Variants in NME1 observed in about 807,000 individuals in gnomAD.
NME1 encodes nucleoside diphosphate kinase A.
Under a neutral mutation model 17.2 loss-of-function variants are expected in NME1, and 9 were observed. That is an observed-to-expected ratio of 0.52 (90% CI 0.32 to 0.92). The LOEUF (loss-of-function observed/expected upper bound fraction) is 0.92. NME1 is among the 40% of genes least tolerant of loss of function. The probability of loss-of-function intolerance (pLI) is 0.04; values close to 1 mark genes in which losing one functional copy is unlikely to be tolerated. For synonymous variants in NME1, 72 were observed against 70.8 expected, an observed-to-expected ratio of 1.02 and a Z score of -0.09; for missense variants, 169 against 201.7, an observed-to-expected ratio of 0.84 and a Z score of 0.98.
At chr17:51,161,502 C>T in intron 4 of NME1, 1 of 664,708 alleles carries the variant, frequency 1.5e-6, no homozygotes, top group East Asian at 2.7e-5. Context: ...GCTGGCCAGT[C>T]TTTCCTGAAG....
At chr17:51,156,746 G>A (rs1207860402) in intron 2 of NME1, among the ~76,000 whole-genome samples, 1 of 151,908 alleles carries the variant, frequency 6.6e-6, no homozygotes, top group East Asian at 1.9e-4. Flanking sequence ...ACAAAAATTA[G>A]CCAGGCGTGG....
chr17:51,153,662 GGTAA>G lies in NME1; in HGVS notation c.-5+2_-5+5del, dbSNP rs1489701058. 1 of 152,964 alleles carries G rather than the reference GGTAA, an allele frequency of 6.5e-6. No individual in the cohort carries two copies. Among genetic ancestry groups the G allele is most frequent in the Non-Finnish European group, 1.5e-5 (1 of 68,580 alleles). The allele number at this position is 152,964 out of a possible 1,614,324, so 9.5% of individuals were successfully genotyped here. On this transcript the variant is annotated splice_donor_variant and splice_donor_region_variant and intron_variant, in intron 1 of 4. Coordinates refer to ENST00000393196, the MANE Select transcript of NME1 (RefSeq NM_000269.3). LOFTEE classifies it low-confidence loss of function (5UTR_SPLICE). ...GAGTTCAAACCTAAGCAGCTGGAAG[GGTAA>G]GAGGTGTTCGGGATCCTGAGAGGAA...
intron 2 of NME1, among the ~76,000 whole-genome samples, chr17:51,159,130 T>C (rs1444719999): frequency 6.6e-6 from 1 of 152,192 alleles, no homozygotes; most frequent in African/African-American, 2.4e-5. Context: ...AATGGAAATT[T>C]ATTGTATTGT....
intron 2 of NME1, among the ~76,000 whole-genome samples, chr17:51,159,458 A>C (rs1268239400): frequency 6.6e-6 from 1 of 152,206 alleles, no homozygotes. Context: ...TTGGCCAGGC[A>C]TGATGGCCGC....
chr17:51,154,242 C>G, intron 1 of NME1: 1 of 809,196 alleles, frequency 1.2e-6, no homozygotes, highest in Admixed American at 1.8e-5. Flanking sequence ...GGCTAGGTAC[C>G]ATAGAGTCTC....
rs2144858876 is a variant in NME1 at position 51,155,610 on chromosome 17, T to C, written c.-4-41T>C. 3.1e-6 allele frequency: 5 copies of C among 1,611,428 alleles called. No individual in the cohort carries two copies. The East Asian group carries it at 1.1e-4, about 36-fold the overall frequency. ...TGAGACGGATGACGCTGTAGGCAAG[T>C]GATTCACTGCTGTTTCATTCCTCTA... On this transcript the variant is annotated intron_variant, in intron 1 of 4. Transcript: ENST00000393196.
At chr17:51,160,449 G>A (rs556196359) in intron 3 of NME1, 10 of 373,108 alleles carry the variant, frequency 2.7e-5, no homozygotes, top group Non-Finnish European at 4.7e-5. Flanking sequence ...GCTTTTTGAA[G>A]TACGGGAGGA....
chr17:51,154,155 CTCTCT>C, intron 1 of NME1: 7 of 551,196 alleles, frequency 1.3e-5, no homozygotes, highest in East Asian at 1.2e-4. Flanking sequence ...CTTTGTCTCT[CTCTCT>C]TTTTTTTTTT....
chr17:51,159,284 T>G (rs2049830467), intron 2 of NME1, among the ~76,000 whole-genome samples: 1 of 151,840 alleles, frequency 6.6e-6, no homozygotes, highest in Non-Finnish European at 1.5e-5. Context: ...TGAGACCCTA[T>G]CTCTACAAAT....
intron 2 of NME1, 152 bp downstream of exon 2, chr17:51,155,932 C>A: frequency 1.6e-6 from 2 of 1,245,124 alleles, no homozygotes; most frequent in African/African-American, 1.5e-5. Context: ...AGTGCCCTAG[C>A]GTTTGGCTAC....
chr17:51,160,633 G>A lies in NME1; in HGVS notation c.229-527G>A, dbSNP rs530255735. On this transcript the variant is annotated intron_variant, in intron 3 of 4. Coordinates refer to ENST00000393196, the MANE Select transcript of NME1 (RefSeq NM_000269.3). ...TTCTTTTTTTTTTTTTTTTTGAGAC[G>A]GAGTCTTGCTCTGTTGCCCAGGCTG... 7 of 211,584 alleles carry A rather than the reference G, an allele frequency of 3.3e-5. 1 individual carries two copies. The highest frequency in any genetic ancestry group is 5.7e-5 in the Non-Finnish European group (6 of 105,720). 13.1% of individuals were successfully genotyped at this position (211,584 alleles called of 1,614,324 possible).
At position 51,160,086 on chromosome 17, in the gene NME1, G is replaced by A; in HGVS notation, c.228+5G>A. Reference sequence around the variant, plus strand: ...TCAGGGCCGGTAGTTGCCATGGTGAGTGTGCCTGTGTGGGATACTCCAAGT... The same window carrying A: ...TCAGGGCCGGTAGTTGCCATGGTGAATGTGCCTGTGTGGGATACTCCAAGT... On this transcript the variant is annotated splice_donor_5th_base_variant and intron_variant, in intron 3 of 4. Transcript: ENST00000393196. 1 of 1,613,780 alleles carries A rather than the reference G, an allele frequency of 6.2e-7. No homozygotes were observed. The highest frequency in any genetic ancestry group is 8.5e-7 in the Non-Finnish European group (1 of 1,179,782).
intron 2 of NME1, among the ~76,000 whole-genome samples, chr17:51,158,425 A>G (rs554385840): frequency 2.6e-5 from 4 of 152,204 alleles, no homozygotes; most frequent in African/African-American, 9.6e-5. Context: ...GGGTGACAGA[A>G]AGACCCTGTC....
At chr17:51,155,543 C>T in intron 1 of NME1, 108 bp from the exon 2 acceptor site, 3 of 1,524,248 alleles carry the variant, frequency 2.0e-6, no homozygotes, top group Non-Finnish European at 1.8e-6. Context: ...AGACCTGGAG[C>T]TGACCTGACA....
intron 3 of NME1, 70 bp downstream of exon 3, chr17:51,160,151 A>C (rs546526594): frequency 6.5e-7 from 1 of 1,544,410 alleles, no homozygotes; most frequent in Non-Finnish European, 8.9e-7. Context: ...TCTTCTAGAC[A>C]CTGGGGATAC....
At chr17:51,154,899 C>T (rs764245149) in intron 1 of NME1, among the ~76,000 whole-genome samples, 2 of 152,162 alleles carry the variant, frequency 1.3e-5, no homozygotes, top group Non-Finnish European at 2.9e-5. Context: ...TATCCTAGTT[C>T]CACCGCAGTG....
Position 51,161,823 on chromosome 17 carries a change from C to T in NME1, c.437C>T (p.Ala146Val), listed in dbSNP as rs754857101. The change falls in exon 5 of 5, where the codon GCT becomes GTT. Residue 146 changes from alanine to valine, a missense_variant. Transcript: ENST00000393196. ...GAACTGGTAGATTACACGAGCTGTG[C>T]TCAGAACTGGATCTATGAATGACAG... Reference protein sequence around the residue: ...PEELVDYTSCAQNWIYE With the variant: ...PEELVDYTSCVQNWIYE 2.5e-6 allele frequency: 4 copies of T among 1,612,630 alleles called. No individual in the cohort carries two copies. The highest frequency in any genetic ancestry group is 3.4e-6 in the Non-Finnish European group (4 of 1,178,666).
intron 1 of NME1, 146 bp from the exon 2 acceptor site, chr17:51,155,505 G>C (rs997605218): frequency 4.7e-6 from 5 of 1,074,494 alleles, no homozygotes; most frequent in Non-Finnish European, 6.9e-6. Flanking sequence ...TCAGGGGACT[G>C]GGGAGGAATT....
intron 1 of NME1, chr17:51,154,241 C>T: frequency 1.2e-6 from 1 of 802,606 alleles, no homozygotes; most frequent in Non-Finnish European, 2.2e-6. Flanking sequence ...TGGCTAGGTA[C>T]CATAGAGTCT....
Sources: allele counts gnomAD v4.1 joint callset (sites outside exome capture counted in the v4.1 genomes callset), GRCh38; gene constraint gnomAD v4.1.1; transcripts MANE v1.5; gene names NCBI Gene and HGNC (gene_info 2026-07-23, HGNC 2026-07-21).